TSPAN16: variants seen among roughly 807,000 people sequenced by gnomAD.
TSPAN16 encodes tetraspanin 16, also known as tetraspanin-16.
A neutral mutation model predicts 25.2 loss-of-function variants in TSPAN16; 23 were observed. That is an observed-to-expected ratio of 0.91 (90% confidence interval 0.66 to 1.29). The LOEUF (loss-of-function observed/expected upper bound fraction) is 1.29. Ranked by LOEUF, TSPAN16 falls within the 50% of genes most tolerant of loss-of-function variation. The pLI is 0.00. For synonymous variants in TSPAN16, 123 were observed against 124.4 expected (o/e 0.99, Z 0.08); for missense variants, 272 against 299.9 (o/e 0.91, Z 0.69).
intron 1 of TSPAN16, among the ~76,000 whole-genome samples, chr19:11,297,252 A>G (rs1555702631): frequency 6.6e-6 from 1 of 152,108 alleles, no homozygotes; most frequent in Non-Finnish European, 1.5e-5. Flanking sequence ...CCATTGAGCC[A>G]GGAGCTCGAG....
chr19:11,298,433 CTATT>C, intron 2 of TSPAN16, 94 bp downstream of exon 2: 1 of 1,237,068 alleles, frequency 8.1e-7, no homozygotes, highest in Non-Finnish European at 1.1e-6. Context: ...TTGGTGTCAC[CTATT>C]TTTTTTTTTT....
intron 6 of TSPAN16, among the ~76,000 whole-genome samples, chr19:11,314,844 G>A (rs1454136204): frequency 6.6e-6 from 1 of 152,116 alleles, no homozygotes; most frequent in Non-Finnish European, 1.5e-5. Flanking sequence ...CCGCTCACCC[G>A]TCTTCTCCCG....
At chr19:11,323,550 C>G (rs1310718026) in intron 6 of TSPAN16, 2 of 152,008 alleles carry the variant, frequency 1.3e-5, no homozygotes, top group Non-Finnish European at 2.9e-5. Context: ...GAGATTGTGC[C>G]ACCGCACTCC....
At chr19:11,319,585 G>A (rs368445965), downstream of TSPAN16, among the ~76,000 whole-genome samples, 20 of 151,764 alleles carry the variant, frequency 1.3e-4, no homozygotes, top group African/African-American at 4.6e-4. Context: ...GCGACAGAGC[G>A]AGACTCTGTC....
rs548555029 is a variant in TSPAN16, at chr19:11,303,236, C to G, written c.450+1928C>G. Among the ~76,000 whole-genome samples, 209 of 142,878 alleles carry G rather than the reference C, an allele frequency of 1.5e-3. 1 individual carries two copies. The highest frequency in any genetic ancestry group is 5.6e-3 in the African/African-American group (195 of 35,006). 93.7% of individuals were successfully genotyped at this position (142,878 alleles called of 152,430 possible). ...AAGAAAAATTCTTCTGCCTTGGGAT[C>G]CTGTTGATCTGTGACCTTACCCCCA... On this transcript the variant is annotated intron_variant, in intron 4 of 6. Transcript: ENST00000590327.
At chr19:11,310,395 A>T (rs1411630572) in intron 5 of TSPAN16, among the ~76,000 whole-genome samples, 1 of 151,560 alleles carries the variant, frequency 6.6e-6, no homozygotes, top group Non-Finnish European at 1.5e-5. Flanking sequence ...GGAGCCTGTA[A>T]CTCCAGCTAC....
intron 6 of TSPAN16, among the ~76,000 whole-genome samples, chr19:11,321,762 C>T (rs537562656): frequency 1.3e-5 from 2 of 152,284 alleles, no homozygotes; most frequent in Admixed American, 6.5e-5. Flanking sequence ...TGGGAGCCAT[C>T]GAATGTTCTA....
chr19:11,319,970 A>G (rs528066645), downstream of TSPAN16, among the ~76,000 whole-genome samples: 16 of 151,678 alleles, frequency 1.1e-4, no homozygotes, highest in South Asian at 3.3e-3. Flanking sequence ...GCCCGCCACC[A>G]CGCCCGGCTA....
intron 6 of TSPAN16, among the ~76,000 whole-genome samples, chr19:11,314,059 C>T (rs2080720859): frequency 6.6e-6 from 1 of 152,088 alleles, no homozygotes; most frequent in South Asian, 2.1e-4. Context: ...ACGTGGATGA[C>T]CCATATCAAC....
Position 11,298,185 on chromosome 19 carries a change from G to T in TSPAN16, c.113G>T (p.Cys38Phe), listed in dbSNP as rs772114806. Residue 38 changes from cysteine to phenylalanine, a missense_variant, in exon 2 of 7, where the codon TGT becomes TTT. Coordinates refer to ENST00000590327, the MANE Select transcript of TSPAN16 (RefSeq NM_001282509.2). Reference protein sequence around the residue: ...ILVGLGIGGKCGGASLTNVLG... With the variant: ...ILVGLGIGGKFGGASLTNVLG... ...GTTGGCCTGGGCATTGGTGGTAAAT[G>T]TGGAGGGGCCTCTCTGACGAATGTC... is the stretch of plus-strand genomic sequence containing the variant. 1 of 1,614,058 alleles carries T rather than the reference G, an allele frequency of 6.2e-7. No homozygotes were observed. Among genetic ancestry groups the T allele is most frequent in the African/African-American group, 1.3e-5 (1 of 74,924 alleles).
chr19:11,314,919 G>A (rs1311959553), intron 6 of TSPAN16, among the ~76,000 whole-genome samples: 1 of 152,082 alleles, frequency 6.6e-6, no homozygotes, highest in Admixed American at 6.6e-5. Context: ...AATATGGTCC[G>A]TAGGGCTCCG....
intron 6 of TSPAN16, chr19:11,323,359 C>T (rs1049693647): frequency 6.6e-6 from 1 of 152,074 alleles, no homozygotes; most frequent in Non-Finnish European, 1.5e-5. Context: ...TTTGGGAGGC[C>T]GAAGCAAGTG....
chr19:11,306,167 C>T (rs2147945532), intron 4 of TSPAN16, among the ~76,000 whole-genome samples: 1 of 152,194 alleles, frequency 6.6e-6, no homozygotes, highest in African/African-American at 2.4e-5. Flanking sequence ...ACTCGGGAGA[C>T]TGAGGCAGGA....
intron 6 of TSPAN16, among the ~76,000 whole-genome samples, chr19:11,321,680 G>T (rs2080780544): frequency 6.6e-6 from 1 of 152,276 alleles, no homozygotes; most frequent in South Asian, 2.1e-4. Context: ...ATGAGGGTAG[G>T]GAAGGGATGG....
chr19:11,315,967 C>A lies in TSPAN16; in HGVS notation c.*129C>A, dbSNP rs2080745344. On this transcript the variant is annotated 3_prime_UTR_variant, in exon 7 of 7. Transcript: ENST00000590327. Reference sequence around the variant, plus strand: ...TGTTAATAAAAGATTTGGGAACCCCCTGTCCAGCCTGACTTCTTTCTCCTT... The same window carrying A: ...TGTTAATAAAAGATTTGGGAACCCCATGTCCAGCCTGACTTCTTTCTCCTT... 5.7e-6 allele frequency: 7 copies of A among 1,227,002 alleles called. No homozygotes were observed. Among genetic ancestry groups the A allele is most frequent in the Admixed American group, 8.5e-5 (2 of 23,540 alleles). 76.0% of individuals were successfully genotyped at this position (1,227,002 alleles called of 1,614,324 possible). A position where few individuals can be genotyped will look rare whatever the true frequency, so the allele number is the denominator to read the frequency against.
rs1183548551 is a variant in TSPAN16, at chr19:11,298,170, G to T, written c.98G>T (p.Gly33Val). 4 of 1,613,992 alleles carry T rather than the reference G, an allele frequency of 2.5e-6. No individual in the cohort carries two copies. In the African/African-American group the frequency reaches 5.3e-5, roughly 22 times the overall value. Residue 33 changes from glycine (G) to valine (V), a missense_variant, in exon 2 of 7, where the codon GGC becomes GTC. By Grantham distance (109) the Gly-to-Val change is moderately radical (BLOSUM62 -3). Coordinates refer to ENST00000590327, the MANE Select transcript of TSPAN16 (RefSeq NM_001282509.2). ...TCTGGCATCATCCTAGTTGGCCTGG[G>T]CATTGGTGGTAAATGTGGAGGGGCC... ...AVSGIILVGL[G>V]IGGKCGGASL...
At chr19:11,316,806 C>T (rs553620994), downstream of TSPAN16, among the ~76,000 whole-genome samples, 1 of 139,678 alleles carries the variant, frequency 7.2e-6, no homozygotes. Flanking sequence ...CAAGACCCCC[C>T]CCGCCTTTTT....
chr19:11,312,024 T>C (rs2080697241), intron 5 of TSPAN16, 115 bp from the exon 6 acceptor site: 1 of 751,298 alleles, frequency 1.3e-6, no homozygotes, highest in Non-Finnish European at 2.2e-6. Flanking sequence ...TCTCCCCGCT[T>C]CTCCTCAAAG....
intron 6 of TSPAN16, among the ~76,000 whole-genome samples, chr19:11,312,833 T>A (rs956006266): frequency 2.0e-5 from 3 of 152,006 alleles, no homozygotes; most frequent in African/African-American, 7.2e-5. Context: ...CTCAAATTAG[T>A]AACATTAGGA....
Sources: gnomAD v4.1 joint callset for allele counts (sites outside exome capture counted in the v4.1 genomes callset) on GRCh38, gnomAD v4.1.1 for gene constraint, MANE v1.5 for transcripts, NCBI Gene and HGNC (gene_info 2026-07-23, HGNC 2026-07-21) for gene names.